Variants in ADGRV1 observed in about 807,000 individuals in gnomAD.
The protein encoded by ADGRV1 is adhesion G protein-coupled receptor V1.
A neutral mutation model predicts 596.2 loss-of-function variants in ADGRV1; 359 were observed. That is an observed-to-expected ratio of 0.60 (90% confidence interval 0.55 to 0.66). ADGRV1 has a LOEUF of 0.66. Ranked by LOEUF, ADGRV1 falls within the 30% of genes least tolerant of loss-of-function variation. ADGRV1 has a pLI of 0.00. For missense variants in ADGRV1, 7,274 were observed against 7,575.6 expected, an observed-to-expected ratio of 0.96 and a Z score of 1.48; for synonymous variants, 2,681 against 2,679.2, an observed-to-expected ratio of 1.00 and a Z score of -0.02.
At chr5:91,111,667 C>T (rs1311121382) in intron 87 of ADGRV1, among the ~76,000 whole-genome samples, 6 of 152,168 alleles carry the variant, frequency 3.9e-5, no homozygotes, top group Non-Finnish European at 8.8e-5. Flanking sequence ...TAAGAAATGT[C>T]ACTTTGTTTC....
intron 76 of ADGRV1, among the ~76,000 whole-genome samples, chr5:90,826,708 A>G (rs1447486005): frequency 6.6e-6 from 1 of 152,208 alleles, no homozygotes; most frequent in African/African-American, 2.4e-5. Context: ...TAGAAGAGTT[A>G]CAGATATTGC....
rs574150500 is a variant in ADGRV1 at position 90,646,420 on chromosome 5, C to T, written c.3022+329C>T. On this transcript the variant is annotated intron_variant, in intron 16 of 89. Transcript: ENST00000405460. ...TCTCGGTATTTTTTTTTCTTTTGTGCAGAAAACACTTCTCCATGTGATTTC... is the reference window on the plus strand; with the variant it reads ...TCTCGGTATTTTTTTTTCTTTTGTGTAGAAAACACTTCTCCATGTGATTTC... Among the ~76,000 whole-genome samples the T allele has an allele frequency of 2.3e-4, 34 of 150,806 alleles. No homozygotes were observed. In the South Asian group the frequency reaches 3.6e-3, roughly 16 times the overall value.
intron 86 of ADGRV1, among the ~76,000 whole-genome samples, chr5:91,081,239 C>A (rs1434735301): frequency 3.3e-5 from 5 of 152,102 alleles, no homozygotes; most frequent in African/African-American, 4.8e-5. Context: ...TCCTGAAGGC[C>A]TCATCTCCAA....
chr5:90,626,577 TGCA>T (rs1415561008), intron 6 of ADGRV1: 3 of 151,690 alleles, frequency 2.0e-5, no homozygotes, highest in Admixed American at 6.6e-5. Flanking sequence ...AAGATTTCTC[TGCA>T]GCAGCATAAA....
At chr5:91,106,976 T>C (rs1373097334) in intron 87 of ADGRV1, among the ~76,000 whole-genome samples, 1 of 151,996 alleles carries the variant, frequency 6.6e-6, no homozygotes, top group Non-Finnish European at 1.5e-5. Context: ...AGCAGAGAAG[T>C]TAAATAGGAT....
chr5:90,812,088 C>T (rs186584188), intron 74 of ADGRV1, among the ~76,000 whole-genome samples: 124 of 151,962 alleles, frequency 8.2e-4, no homozygotes, highest in African/African-American at 2.6e-3. Flanking sequence ...CCACCACGCC[C>T]GGCTAATTTT....
At chr5:91,081,709 C>T (rs1023213919) in intron 86 of ADGRV1, among the ~76,000 whole-genome samples, 1 of 152,054 alleles carries the variant, frequency 6.6e-6, no homozygotes, top group Non-Finnish European at 1.5e-5. Context: ...TGTCTTGAAC[C>T]CGGGAGGCAG....
rs1265602296 is a variant in ADGRV1 at position 90,694,615 on chromosome 5, T to C, written c.7859T>C (p.Val2620Ala). 6.2e-7 allele frequency: 1 copy of C among 1,613,796 alleles called. No individual in the cohort carries two copies. Among genetic ancestry groups the C allele is most frequent in the Non-Finnish European group, 8.5e-7 (1 of 1,179,792 alleles). Residue 2620 changes from valine (V) to alanine (A), a missense_variant, in exon 33 of 90, where the codon GTG (valine) becomes GCG (alanine). Val to Ala is a moderately conservative substitution (Grantham distance 64). Coordinates refer to ENST00000405460, the MANE Select transcript of ADGRV1 (RefSeq NM_032119.4). ...IHRTGGSLGQVAVEWRVVGGT... is the reference protein window; with the variant it reads ...IHRTGGSLGQAAVEWRVVGGT... ...AGGACAGGGGGCAGCTTAGGTCAAG[T>C]GGCAGTCGAATGGCGTGTTGTTGGT...
In ADGRV1 at chr5:90,815,697, T is replaced by C. The variant is rs781538686; in HGVS notation, c.16157T>C (p.Met5386Thr). Residue 5386 changes from methionine to threonine, a missense_variant, in exon 75 of 90, where the codon ATG (methionine) becomes ACG (threonine). Around this residue, in one of 5 missense-constraint regions of ADGRV1, gnomAD observed 1,874 missense variants for 1,970.2 expected, o/e 0.95. Coordinates refer to ENST00000405460, the MANE Select transcript of ADGRV1 (RefSeq NM_032119.4). Reference protein sequence around the residue: ...SGLELREGAVMRRLHLIVTRQ... With the variant: ...SGLELREGAVTRRLHLIVTRQ... The stretch of plus-strand genomic sequence containing the variant: ...CTAGAACTCAGGGAAGGAGCTGTTA[T>C]GAGAAGATTGCACCTTATTGTCACA... 5.1e-6 allele frequency: 8 copies of C among 1,572,548 alleles called. No homozygotes were observed. Among genetic ancestry groups the C allele is most frequent in the Non-Finnish European group, 6.0e-6 (7 of 1,157,268 alleles).
chr5:90,649,736 G>A (rs1768318799), intron 17 of ADGRV1, among the ~76,000 whole-genome samples: 3 of 152,196 alleles, frequency 2.0e-5, no homozygotes, highest in Admixed American at 6.5e-5. Context: ...CAATTCGCCC[G>A]CCTGGGCCCC....
intron 60 of ADGRV1, among the ~76,000 whole-genome samples, chr5:90,776,006 T>C (rs893406883): frequency 1.3e-5 from 2 of 152,150 alleles, no homozygotes; most frequent in Non-Finnish European, 2.9e-5. Context: ...TTGACACAGG[T>C]TTATAAATGC....
intron 50 of ADGRV1, among the ~76,000 whole-genome samples, chr5:90,738,764 T>G (rs1333320813): frequency 6.6e-6 from 1 of 152,190 alleles, no homozygotes. Context: ...GATTTTTGTC[T>G]GGGTAAACTC....
At chr5:90,610,535 G>C (rs972179148) in intron 1 of ADGRV1, among the ~76,000 whole-genome samples, 1 of 151,870 alleles carries the variant, frequency 6.6e-6, no homozygotes, top group Non-Finnish European at 1.5e-5. Context: ...TGAGGTGGAG[G>C]GGAAAATATT....
intron 86 of ADGRV1, among the ~76,000 whole-genome samples, chr5:91,086,864 G>A (rs1047372513): frequency 5.9e-5 from 9 of 152,158 alleles, no homozygotes; most frequent in South Asian, 2.1e-4. Flanking sequence ...CCTCTTCTCC[G>A]AAATTTAAAA....
At chr5:90,927,822 GC>G (rs1355242013) in intron 83 of ADGRV1, among the ~76,000 whole-genome samples, 17 of 152,114 alleles carry the variant, frequency 1.1e-4, no homozygotes, top group African/African-American at 3.6e-4. Flanking sequence ...TTTAGGGCAG[GC>G]CTGGTGGTGA....
intron 20 of ADGRV1, among the ~76,000 whole-genome samples, chr5:90,656,611 G>A (rs983592363): frequency 2.6e-5 from 4 of 152,186 alleles, no homozygotes; most frequent in Admixed American, 2.0e-4. Flanking sequence ...GGGCAGGAAG[G>A]TGGTCTCTGT....
intron 85 of ADGRV1, among the ~76,000 whole-genome samples, chr5:91,009,509 TTTTA>T (rs1448828263): frequency 6.6e-6 from 1 of 152,124 alleles, no homozygotes; most frequent in African/African-American, 2.4e-5. Flanking sequence ...TCAGAATAAA[TTTTA>T]TTTTTTATTC....
At chr5:90,818,609 G>T (rs1367374536) in intron 75 of ADGRV1, among the ~76,000 whole-genome samples, 1 of 151,528 alleles carries the variant, frequency 6.6e-6, no homozygotes, top group Non-Finnish European at 1.5e-5. Flanking sequence ...AATTTATTGA[G>T]AATTTTTAGC....
At chr5:91,148,299 C>T (rs530533882) in intron 87 of ADGRV1, among the ~76,000 whole-genome samples, 36 of 152,252 alleles carry the variant, frequency 2.4e-4, no homozygotes, top group African/African-American at 7.7e-4. Flanking sequence ...AGACCTTCAC[C>T]GCAGCCCCTC....
Sources: gnomAD v4.1 joint callset for allele counts (sites outside exome capture counted in the v4.1 genomes callset) on GRCh38, gnomAD v4.1.1 for gene constraint, gnomAD v4.1.1 regional missense constraint, MANE v1.5 for transcripts, NCBI Gene and HGNC (gene_info 2026-07-23, HGNC 2026-07-21) for gene names.